PDZD2: variants seen among roughly 807,000 people sequenced by gnomAD.
PDZD2 encodes the protein PDZ domain-containing protein 2.
PDZD2 carries 90 observed loss-of-function variants against 220.7 expected under a neutral mutation model. The observed-to-expected ratio is 0.41, with a 90% CI of 0.34 to 0.49. The LOEUF (loss-of-function observed/expected upper bound fraction) is 0.49, where lower values mean the gene tolerates loss of function less well. Among genes scored for constraint, PDZD2 ranks in the 20% least tolerant of loss-of-function variants. The pLI is 0.28. For synonymous variants in PDZD2, 1,375 were observed against 1,450.5 expected (o/e 0.95, Z 1.18); for missense variants, 3,174 against 3,608.5 (o/e 0.88, Z 3.08).
intron 16 of PDZD2, 29 bp from the exon 17 acceptor site, chr5:32,072,132 T>C (rs776212707): frequency 2.1e-5 from 32 of 1,547,244 alleles, no homozygotes; most frequent in Non-Finnish European, 2.5e-5. Context: ...TGTGTTTTCT[T>C]AGTTATCGGA....
intron 14 of PDZD2, among the ~76,000 whole-genome samples, chr5:32,063,886 G>A (rs932123130): frequency 2.6e-5 from 4 of 152,202 alleles, no homozygotes; most frequent in African/African-American, 9.6e-5. Context: ...GTGTGAGGAT[G>A]TTACTGTTGT....
intron 4 of PDZD2, among the ~76,000 whole-genome samples, chr5:31,997,156 G>T (rs1014467812): frequency 6.6e-6 from 1 of 152,126 alleles, no homozygotes; most frequent in Non-Finnish European, 1.5e-5. Context: ...GTTGATAAGC[G>T]AGTTGATCAT....
intron 1 of PDZD2, among the ~76,000 whole-genome samples, chr5:31,785,133 A>G (rs139882267): frequency 5.3e-5 from 8 of 152,200 alleles, no homozygotes; most frequent in African/African-American, 1.9e-4. Context: ...CGTGGATGCA[A>G]ACATCCTGCC....
chr5:31,822,025 C>T lies in PDZD2; in HGVS notation c.476+22301C>T, dbSNP rs556853940. On this transcript the variant is annotated intron_variant, in intron 2 of 24. Coordinates refer to ENST00000438447, the MANE Select transcript of PDZD2 (RefSeq NM_178140.4). ...CATGTCCCTGCAAAGGACATGAACT[C>T]ATCGTTTTTTATGGCTGCATAGTAT... Among the ~76,000 whole-genome samples the T allele has an allele frequency of 2.5e-3, 375 of 152,264 alleles. 2 individuals carry two copies. The highest frequency in any genetic ancestry group is 4.0e-3 in the Non-Finnish European group (270 of 68,026).
chr5:31,892,745 T>C (rs1561547414), intron 2 of PDZD2, among the ~76,000 whole-genome samples: 1 of 20,556 alleles, frequency 4.9e-5, no homozygotes, highest in East Asian at 9.7e-4. Context: ...TTTTTTGTAT[T>C]GTGGGTGGGC....
rs111358478 is a variant in PDZD2 at position 31,888,320 on chromosome 5, G to A, written c.476+88596G>A. Among the ~76,000 whole-genome samples the A allele has an allele frequency of 6.6e-4, 100 of 152,252 alleles. 1 individual carries two copies. Among genetic ancestry groups the A allele is most frequent in the African/African-American group, 2.3e-3 (96 of 41,538 alleles). Reference sequence around the variant, plus strand: ...TAATTCTCCTGCCTCAGCCTCCTGAGTAGCTGGGATTACAGGCGTGCCGCC... The same window carrying A: ...TAATTCTCCTGCCTCAGCCTCCTGAATAGCTGGGATTACAGGCGTGCCGCC... On this transcript the variant is annotated intron_variant, in intron 2 of 24. Coordinates refer to ENST00000438447, the MANE Select transcript of PDZD2 (RefSeq NM_178140.4).
At chr5:31,891,134 T>C (rs1181664881) in intron 2 of PDZD2, among the ~76,000 whole-genome samples, 1 of 125,478 alleles carries the variant, frequency 8.0e-6, no homozygotes, top group Non-Finnish European at 1.7e-5. Context: ...TTCCTTTTTT[T>C]TTTTTTTTTT....
intron 1 of PDZD2, among the ~76,000 whole-genome samples, chr5:31,697,450 G>A (rs1747422046): frequency 6.6e-6 from 1 of 152,156 alleles, no homozygotes; most frequent in African/African-American, 2.4e-5. Flanking sequence ...GTAACAGAGT[G>A]AGACTCCATC....
chr5:31,819,902 A>G (rs1755722832), intron 2 of PDZD2, among the ~76,000 whole-genome samples: 1 of 152,206 alleles, frequency 6.6e-6, no homozygotes, highest in South Asian at 2.1e-4. Context: ...ACTTTGAATC[A>G]TACTACGTGC....
rs931720439 is a variant in PDZD2, at chr5:32,000,571, C to T, written c.1254+300C>T. The stretch of plus-strand genomic sequence containing the variant: ...TGTTGCCTAGTCTGGAGTGCAATGG[C>T]GCAATCTCGGCTCACCGCAACCTCC... On this transcript the variant is annotated intron_variant, in intron 5 of 24. Transcript: ENST00000438447. This position sits in a 1 kb window ranked among gnomAD's most constrained non-coding sequence, Gnocchi z 4.5. Among the ~76,000 whole-genome samples the T allele has an allele frequency of 2.0e-5, 3 of 152,064 alleles. No homozygotes were observed. Among genetic ancestry groups the T allele is most frequent in the Non-Finnish European group, 2.9e-5 (2 of 68,034 alleles).
intron 2 of PDZD2, among the ~76,000 whole-genome samples, chr5:31,866,933 C>G (rs1002916926): frequency 6.6e-6 from 1 of 152,188 alleles, no homozygotes; most frequent in Non-Finnish European, 1.5e-5. Context: ...GAAGGGATCT[C>G]AGAGCATGTC....
intron 1 of PDZD2, among the ~76,000 whole-genome samples, chr5:31,725,350 A>T (rs1749061289): frequency 6.6e-6 from 1 of 151,856 alleles, no homozygotes; most frequent in African/African-American, 2.4e-5. Context: ...AAAAAAAAAA[A>T]AAAAAAAAGA....
intron 2 of PDZD2, among the ~76,000 whole-genome samples, chr5:31,946,998 C>A (rs958131405): frequency 5.9e-5 from 9 of 152,192 alleles, no homozygotes; most frequent in Non-Finnish European, 1.2e-4. Context: ...GCCACCATTT[C>A]CGGCTAAGAT....
At chr5:31,805,201 A>C (rs1055712541) in intron 2 of PDZD2, among the ~76,000 whole-genome samples, 2 of 152,230 alleles carry the variant, frequency 1.3e-5, no homozygotes, top group Non-Finnish European at 2.9e-5. Flanking sequence ...CTGTCTCAAA[A>C]TAAATAAAAT....
intron 1 of PDZD2, among the ~76,000 whole-genome samples, chr5:31,779,594 C>T (rs866679805): frequency 1.3e-5 from 2 of 151,890 alleles, no homozygotes; most frequent in South Asian, 2.1e-4. Flanking sequence ...AGGATGGTCT[C>T]GATCTCCTGA....
intron 2 of PDZD2, among the ~76,000 whole-genome samples, chr5:31,938,055 G>A (rs1166531458): frequency 1.3e-5 from 2 of 152,222 alleles, no homozygotes; most frequent in Admixed American, 6.5e-5. Context: ...AAAAACATTT[G>A]CTGGTTTGCT....
intron 1 of PDZD2, among the ~76,000 whole-genome samples, chr5:31,710,409 C>T (rs185888473): frequency 2.2e-4 from 33 of 152,252 alleles, no homozygotes; most frequent in East Asian, 7.7e-4. Flanking sequence ...AAAATCCATG[C>T]GGAACATGGA....
chr5:32,091,308 G>A, intron 20 of PDZD2, 133 bp downstream of exon 20: 1 of 595,060 alleles, frequency 1.7e-6, no homozygotes. Flanking sequence ...TTTTTGAGAT[G>A]GAGCATCGCT....
intron 1 of PDZD2, among the ~76,000 whole-genome samples, chr5:31,775,148 C>T (rs1752565665): frequency 6.6e-6 from 1 of 152,174 alleles, no homozygotes; most frequent in South Asian, 2.1e-4. Flanking sequence ...CATGCCTAAA[C>T]TTTTCAAAAG....
Sources: allele counts gnomAD v4.1 joint callset (sites outside exome capture counted in the v4.1 genomes callset), GRCh38; gene constraint gnomAD v4.1.1; non-coding constraint Gnocchi (gnomAD v3.1); transcripts MANE v1.5; gene names NCBI Gene and HGNC (gene_info 2026-07-23, HGNC 2026-07-21).